Variants in AMD1 observed in about 807,000 individuals in gnomAD.
AMD1 encodes S-adenosylmethionine decarboxylase proenzyme.
AMD1 carries 11 observed loss-of-function variants against 40.2 expected under a neutral mutation model. The observed-to-expected ratio is 0.27, with a 90% CI of 0.17 to 0.45. The LOEUF is 0.45. AMD1 is among the 20% of genes least tolerant of loss of function. AMD1 has a pLI of 1.00. For synonymous variants in AMD1, 121 were observed against 130.8 expected (o/e 0.93, Z 0.51); for missense variants, 257 against 410.2 (o/e 0.63, Z 3.23).
the AMD1 span, among the ~76,000 whole-genome samples, chr6:110,832,145 C>T: frequency 6.6e-6 from 1 of 151,958 alleles, no homozygotes; most frequent in South Asian, 2.1e-4. Context: ...TCCTGAACTA[C>T]AGGCGCATGC....
the AMD1 span, among the ~76,000 whole-genome samples, chr6:110,869,334 G>T: frequency 2.0e-5 from 3 of 150,872 alleles, no homozygotes; most frequent in Non-Finnish European, 3.0e-5. Flanking sequence ...GGGTTTCACC[G>T]TGTTAGCCAG....
the AMD1 span, among the ~76,000 whole-genome samples, chr6:110,851,374 T>A: frequency 6.6e-6 from 1 of 152,150 alleles, no homozygotes; most frequent in Non-Finnish European, 1.5e-5. Flanking sequence ...AATATTGGGA[T>A]TACAGGTGTG....
chr6:110,843,585 T>C, the AMD1 span, among the ~76,000 whole-genome samples: 1 of 152,030 alleles, frequency 6.6e-6, no homozygotes, highest in African/African-American at 2.4e-5. Context: ...ATGTTTAATA[T>C]ATTTATTTAT....
At chr6:110,859,572 T>G in the AMD1 span, among the ~76,000 whole-genome samples, 1 of 152,258 alleles carries the variant, frequency 6.6e-6, no homozygotes, top group South Asian at 2.1e-4. Context: ...ATACTTTTTT[T>G]TTTCCCCGAG....
At chr6:110,863,108 C>T in the AMD1 span, among the ~76,000 whole-genome samples, 1 of 151,926 alleles carries the variant, frequency 6.6e-6, no homozygotes, top group Non-Finnish European at 1.5e-5. Flanking sequence ...CCACGCCCGG[C>T]TAATTTTTTT....
chr6:110,815,209 G>A, the AMD1 span: 13 of 1,415,366 alleles, frequency 9.2e-6, no homozygotes, highest in African/African-American at 9.1e-5. Flanking sequence ...CTCCCCCCGC[G>A]ACCGCCGCTC....
At chr6:110,859,436 A>G in the AMD1 span, among the ~76,000 whole-genome samples, 1 of 152,084 alleles carries the variant, frequency 6.6e-6, no homozygotes, top group East Asian at 1.9e-4. Flanking sequence ...GGGAGAAGAG[A>G]CCTGGGCTTG....
At chr6:110,878,469 CT>C (rs1231068067) in intron 1 of AMD1, among the ~76,000 whole-genome samples, 1 of 152,120 alleles carries the variant, frequency 6.6e-6, no homozygotes, top group African/African-American at 2.4e-5. Flanking sequence ...AAAGAAAAAT[CT>C]TTTATGATAT....
At chr6:110,814,992 C>T in the AMD1 span, 79 of 1,602,308 alleles carry the variant, frequency 4.9e-5, no homozygotes, top group East Asian at 1.5e-3. Context: ...GCCTACTCCT[C>T]CCGCCCCTGC....
Position 110,892,220 on chromosome 6 carries a change from T to A in AMD1, c.470+17T>A. The A allele has an allele frequency of 6.2e-7, 1 of 1,613,790 alleles. No individual in the cohort carries two copies. Among genetic ancestry groups the A allele is most frequent in the Non-Finnish European group, 8.5e-7 (1 of 1,179,938 alleles). On this transcript the variant is annotated intron_variant, in intron 5 of 8. Transcript: ENST00000368885. ...TGACTGTTGGTATGTTTAATGCAAT[T>A]TTGTGGATTTTTGTTGTCCTATGTA...
chr6:110,876,054 G>A (rs369663845), intron 1 of AMD1, among the ~76,000 whole-genome samples: 3 of 152,362 alleles, frequency 2.0e-5, no homozygotes, highest in African/African-American at 2.4e-5. Flanking sequence ...CCTGCCCCAG[G>A]ACATAATGCC....
chr6:110,848,997 C>A, the AMD1 span, among the ~76,000 whole-genome samples: 2 of 152,260 alleles, frequency 1.3e-5, no homozygotes, highest in Admixed American at 6.5e-5. Context: ...CAAAGACAGA[C>A]CCTGTCTCTT....
the AMD1 span, among the ~76,000 whole-genome samples, chr6:110,847,063 G>GGTGTGTGT: frequency 7.0e-6 from 1 of 143,180 alleles, no homozygotes; most frequent in Non-Finnish European, 1.5e-5. Context: ...GTGTGTGTGT[G>GGTGTGTGT]GTGTGTGTGT....
the AMD1 span, among the ~76,000 whole-genome samples, chr6:110,816,806 G>A: frequency 6.6e-6 from 1 of 152,180 alleles, no homozygotes; most frequent in South Asian, 2.1e-4. Context: ...CCAGGCTGGC[G>A]TCCAACTCCT....
At chr6:110,817,665 C>A in the AMD1 span, among the ~76,000 whole-genome samples, 1 of 152,080 alleles carries the variant, frequency 6.6e-6, no homozygotes, top group East Asian at 1.9e-4. Context: ...TTGCCATGCA[C>A]TATAATAACT....
Position 110,895,295 on chromosome 6 carries a change from G to A in AMD1, c.*1679G>A, listed in dbSNP as rs1260181221. On this transcript the variant is annotated 3_prime_UTR_variant, in exon 9 of 9. Coordinates refer to ENST00000368885, the MANE Select transcript of AMD1 (RefSeq NM_001634.6). ...TGTTGTTGATTGAAAATTTCATTGA[G>A]GAAGTTTTCAATCAGTGTGATCAGT... 1 of 152,136 alleles carries A rather than the reference G, an allele frequency of 6.6e-6. No homozygotes were observed. The highest frequency in any genetic ancestry group is 2.4e-5 in the African/African-American group (1 of 41,432). 9.4% of individuals were successfully genotyped at this position (152,136 alleles called of 1,614,324 possible). A position where few individuals can be genotyped will look rare whatever the true frequency, so the allele number is the denominator to read the frequency against.
the AMD1 span, among the ~76,000 whole-genome samples, chr6:110,865,450 G>A: frequency 6.6e-6 from 1 of 152,194 alleles, no homozygotes; most frequent in Non-Finnish European, 1.5e-5. Context: ...CTGAAGCACA[G>A]TGGCGTGATC....
chr6:110,884,865 AG>A lies in AMD1; in HGVS notation c.111-2638del, dbSNP rs1216631215. Among the ~76,000 whole-genome samples, 47 of 152,352 alleles carry A rather than the reference AG, an allele frequency of 3.1e-4. 1 individual carries two copies. Among genetic ancestry groups the A allele is most frequent in the African/African-American group, 1.1e-3 (46 of 41,586 alleles). Reference sequence around the variant, plus strand: ...TTGTTAGTGCGTCCAGTGGGTAAAAAGGAGTATGTGCAAGAATAAGTTATAG... The same window carrying A: ...TTGTTAGTGCGTCCAGTGGGTAAAAAGAGTATGTGCAAGAATAAGTTATAG... On this transcript the variant is annotated intron_variant, in intron 1 of 8. Transcript: ENST00000368885.
the AMD1 span, among the ~76,000 whole-genome samples, chr6:110,816,879 T>C: frequency 6.6e-6 from 1 of 152,184 alleles, no homozygotes; most frequent in Non-Finnish European, 1.5e-5. Flanking sequence ...CGTGCCACCA[T>C]GCCGGGCCCC....
Sources: gnomAD v4.1 joint callset for allele counts (sites outside exome capture counted in the v4.1 genomes callset) on GRCh38, gnomAD v4.1.1 for gene constraint, MANE v1.5 for transcripts, NCBI Gene and HGNC (gene_info 2026-07-23, HGNC 2026-07-21) for gene names.